The following ILDR2 variants were observed in gnomAD, a reference collection of about 807,000 sequenced individuals.
The protein encoded by ILDR2 is immunoglobulin-like domain-containing receptor 2.
Under a neutral mutation model 66.8 loss-of-function variants are expected in ILDR2, and 25 were observed. The observed-to-expected ratio is 0.37, with a 90% CI of 0.27 to 0.52. The LOEUF is 0.52. ILDR2 is among the 20% of genes least tolerant of loss of function. ILDR2 has a pLI of 0.88. For synonymous variants in ILDR2, 367 were observed against 357.2 expected (o/e 1.03, Z -0.31); for missense variants, 827 against 876.8 (o/e 0.94, Z 0.72).
chr1:166,952,741 T>C (rs1662056730), intron 3 of ILDR2, among the ~76,000 whole-genome samples: 2 of 152,240 alleles, frequency 1.3e-5, no homozygotes, highest in Middle Eastern at 3.4e-3. Context: ...GTAACAAACA[T>C]TACCCACGGC....
intron 4 of ILDR2, among the ~76,000 whole-genome samples, chr1:166,938,589 T>A (rs1050052075): frequency 6.6e-6 from 1 of 152,202 alleles, no homozygotes; most frequent in Admixed American, 6.5e-5. Context: ...GGCCACCTAA[T>A]GGAAAGGGAC....
At chr1:166,974,559 T>G (rs1050746072) in intron 1 of ILDR2, among the ~76,000 whole-genome samples, 1 of 151,816 alleles carries the variant, frequency 6.6e-6, no homozygotes, top group African/African-American at 2.4e-5. Context: ...GAGCGGAGAG[T>G]GCACCTATTA....
chr1:166,935,463 T>C lies in ILDR2; in HGVS notation c.718A>G (p.Lys240Glu), dbSNP rs757769630. The stretch of plus-strand genomic sequence containing the variant: ...GGAGGGTACCCGGCCTTTGCTGCTT[T>C]CCCTGCTTCATACACTGTGGAGGGA... ...CCPQALYEAG[K>E]AAKAGYPPSV... The change falls in exon 6 of 10, where the codon AAA (lysine) becomes GAA (glutamate). Residue 240 changes from lysine (K) to glutamate (E), a missense_variant. Coordinates refer to ENST00000271417, the MANE Select transcript of ILDR2 (RefSeq NM_199351.3). 2.5e-6 allele frequency: 4 copies of C among 1,599,690 alleles called. No homozygotes were observed. The highest frequency in any genetic ancestry group is 3.4e-6 in the Non-Finnish European group (4 of 1,173,214).
intron 2 of ILDR2, among the ~76,000 whole-genome samples, chr1:166,899,897 G>T (rs577007644): frequency 6.6e-6 from 1 of 152,296 alleles, no homozygotes; most frequent in African/African-American, 2.4e-5. Context: ...ATAGGTCAAA[G>T]GACAATGCAA....
At chr1:166,937,141 G>A (rs1227771394) in intron 4 of ILDR2, among the ~76,000 whole-genome samples, 1 of 152,156 alleles carries the variant, frequency 6.6e-6, no homozygotes, top group East Asian at 1.9e-4. Context: ...GGTGGGTTCT[G>A]TGAATACTTA....
intron 1 of ILDR2, among the ~76,000 whole-genome samples, chr1:166,963,394 G>C (rs1485327009): frequency 2.0e-5 from 3 of 152,142 alleles, no homozygotes; most frequent in African/African-American, 7.2e-5. Context: ...CTCAGATAAT[G>C]TATGTATGTA....
At chr1:166,930,209 C>T (rs1314273269) in intron 6 of ILDR2, among the ~76,000 whole-genome samples, 1 of 152,144 alleles carries the variant, frequency 6.6e-6, no homozygotes, top group Non-Finnish European at 1.5e-5. Flanking sequence ...ACAAATTACA[C>T]TCCTCATTAT....
chr1:166,966,347 T>C (rs547851530), intron 1 of ILDR2, among the ~76,000 whole-genome samples: 28 of 152,312 alleles, frequency 1.8e-4, no homozygotes, highest in Non-Finnish European at 1.3e-4. Context: ...ACTTTAGGAT[T>C]AGGGTAACCA....
At position 166,921,119 on chromosome 1, in the gene ILDR2, G is replaced by A. The variant is rs760814788; in HGVS notation, c.1472C>T (p.Ala491Val). 13 of 1,524,796 alleles carry A rather than the reference G, an allele frequency of 8.5e-6. 1 individual carries two copies. In the South Asian group the frequency reaches 1.3e-4, roughly 16 times the overall value. The allele number at this position is 1,524,796 out of a possible 1,614,324, so 94.5% of individuals were successfully genotyped here. Residue 491 changes from alanine (A) to valine (V), a missense_variant, in exon 9 of 10, where the codon GCT (alanine) becomes GTT (valine). Physicochemically the swap from Ala to Val is moderately conservative, Grantham distance 64. This residue lies in a region of ILDR2 where 390 missense variants were observed against 353.6 expected (regional missense o/e 1.10). Transcript: ENST00000271417. This position sits in a 1 kb window ranked among gnomAD's most constrained non-coding sequence, Gnocchi z 5.3. ...RSRSREPLTD[A>V]DRGWAFSPAR... ...GGGGCTGAAGGCCCAGCCGCGGTCAGCATCGGTCAGGGGCTCGCGGCTGCG... is the reference window on the plus strand; with the variant it reads ...GGGGCTGAAGGCCCAGCCGCGGTCAACATCGGTCAGGGGCTCGCGGCTGCG...
intron 5 of ILDR2, among the ~76,000 whole-genome samples, 171 bp from the exon 6 acceptor site, chr1:166,935,648 C>T (rs965210313): frequency 6.6e-6 from 1 of 152,180 alleles, no homozygotes; most frequent in Non-Finnish European, 1.5e-5. Flanking sequence ...CTCTCCCCCA[C>T]TCCCTCGGAC....
intron 1 of ILDR2, among the ~76,000 whole-genome samples, chr1:166,958,321 A>G (rs1662402069): frequency 6.6e-6 from 1 of 152,110 alleles, no homozygotes; most frequent in South Asian, 2.1e-4. Flanking sequence ...CTCACATCAA[A>G]TTGGAAGAGT....
chr1:166,975,155 G>A (rs774905993), intron 1 of ILDR2, 68 bp downstream of exon 1: 5 of 1,315,392 alleles, frequency 3.8e-6, no homozygotes, highest in East Asian at 2.3e-5. Flanking sequence ...GGGGCGGGGG[G>A]CGCGGTGAGA....
rs568667974 is a variant in ILDR2 at position 166,928,664 on chromosome 1, C to T, written c.881-1484G>A. Among the ~76,000 whole-genome samples, 214 of 152,312 alleles carry T rather than the reference C, an allele frequency of 1.4e-3. 2 individuals carry two copies. Among genetic ancestry groups the T allele is most frequent in the Non-Finnish European group, 1.2e-3 (83 of 68,024 alleles). On this transcript the variant is annotated intron_variant, in intron 6 of 9. Coordinates refer to ENST00000271417, the MANE Select transcript of ILDR2 (RefSeq NM_199351.3). Reference sequence around the variant, plus strand: ...TGGCTGCGGACAAAACCCTCCCACGCAAGCTATTTACATGGAAGATTAAAA... The same window carrying T: ...TGGCTGCGGACAAAACCCTCCCACGTAAGCTATTTACATGGAAGATTAAAA...
In ILDR2 at chr1:166,927,161, G is replaced by A. The variant is rs1156821266; in HGVS notation, c.900C>T (p.Ile300=). The stretch of plus-strand genomic sequence containing the variant: ...TGGAGTCTCTCTCTTTGTCAGCCTG[G>A]ATCCGGTAACCTTTGCGAACTGTTG... ...GSHSVRKGYR[I]QADKERDSMK... The change falls in exon 7 of 10, where the codon ATC becomes ATT. Residue 300 remains isoleucine, a synonymous_variant. Transcript: ENST00000271417. 1.2e-6 allele frequency: 2 copies of A among 1,613,460 alleles called. No homozygotes were observed. The highest frequency in any genetic ancestry group is 2.2e-5 in the South Asian group (2 of 90,918).
chr1:166,974,139 T>C (rs1234321047), intron 1 of ILDR2, among the ~76,000 whole-genome samples: 1 of 152,200 alleles, frequency 6.6e-6, no homozygotes, highest in Non-Finnish European at 1.5e-5. Flanking sequence ...AAACTTCTCA[T>C]GTGGTACTAT....
intron 1 of ILDR2, among the ~76,000 whole-genome samples, chr1:166,963,757 C>T (rs1662764953): frequency 6.6e-6 from 1 of 152,166 alleles, no homozygotes; most frequent in Non-Finnish European, 1.5e-5. Context: ...AACCCTTTGA[C>T]TATAAGTATG....
intron 3 of ILDR2, among the ~76,000 whole-genome samples, chr1:166,940,912 C>A (rs1418712919): frequency 6.6e-6 from 1 of 152,152 alleles, no homozygotes; most frequent in Admixed American, 6.5e-5. Flanking sequence ...TCACTTGTCC[C>A]TTCCTCTATC....
chr1:166,969,838 AT>A (rs752736736), intron 1 of ILDR2, among the ~76,000 whole-genome samples: 34 of 152,186 alleles, frequency 2.2e-4, no homozygotes, highest in Non-Finnish European at 3.7e-4. Context: ...CAGTGACATT[AT>A]TTCTTATTCT....
At chr1:166,953,729 GA>G (rs1218294851) in intron 3 of ILDR2, among the ~76,000 whole-genome samples, 1 of 152,176 alleles carries the variant, frequency 6.6e-6, no homozygotes, top group East Asian at 1.9e-4. Flanking sequence ...TTTCCTGGGA[GA>G]TCATTTTCTT....
Sources: allele counts gnomAD v4.1 joint callset (sites outside exome capture counted in the v4.1 genomes callset), GRCh38; gene constraint gnomAD v4.1.1; regional missense constraint gnomAD v4.1.1; non-coding constraint Gnocchi (gnomAD v3.1); transcripts MANE v1.5; gene names NCBI Gene and HGNC (gene_info 2026-07-23, HGNC 2026-07-21).